Variants in HELZ2 observed in about 807,000 individuals in gnomAD.
The protein encoded by HELZ2 is helicase with zinc finger 2.
In HELZ2, 143 loss-of-function variants were observed where a neutral mutation model predicts 208.8. The ratio of observed to expected loss-of-function variants is 0.68; its 90% CI spans 0.60 to 0.79. HELZ2 has a LOEUF of 0.79. Ranked by LOEUF, HELZ2 falls within the 30% of genes least tolerant of loss-of-function variation. The pLI is 0.00. For synonymous variants in HELZ2, 1,705 were observed against 1,693.7 expected (o/e 1.01, Z -0.16); for missense variants, 3,690 against 3,794.5 (o/e 0.97, Z 0.72).
intron 5 of HELZ2, 144 bp from the exon 7 acceptor site, chr20:63,567,771 C>T (rs2082978953): frequency 6.9e-7 from 1 of 1,456,960 alleles, no homozygotes. Context: ...ACTGGTGTCC[C>T]TCCTGTCAGG....
intron 2 of HELZ2, 36 bp from the exon 4 acceptor site, chr20:63,570,647 A>ACGCCCC: frequency 6.0e-6 from 9 of 1,497,352 alleles, no homozygotes; most frequent in South Asian, 2.3e-5. Flanking sequence ...AGAGGCCTGG[A>ACGCCCC]CCCCACCCCA....
At position 63,564,515 on chromosome 20, in the gene HELZ2, G is replaced by C. The variant is rs751864726; in HGVS notation, c.4307C>G (p.Ala1436Gly). ...GCGCAGGCTCTTCAGCTGGCCACTG[G>C]CCTTCTCCATGGTGAGGAACAGGGA... Residue 1436 changes from alanine to glycine, a missense_variant, in exon 8 of 19, where the codon GCC becomes GGC. Ala to Gly is a moderately conservative substitution (Grantham distance 60, BLOSUM62 0). Transcript: ENST00000467148. The C allele has an allele frequency of 7.3e-5, 116 of 1,584,238 alleles. 3 individuals are homozygous for C. In the South Asian group the frequency reaches 1.2e-3, roughly 17 times the overall value.
At chr20:63,565,979 A>G (rs778821306) in exon 8 of HELZ2, 28 of 1,599,116 alleles carry the variant, frequency 1.8e-5, no homozygotes, top group Non-Finnish European at 2.4e-5. Context: ...GACCTGCTCC[A>G]TGGACAGGCC....
exon 18 of HELZ2, chr20:63,559,967 C>T (rs1408201017): frequency 3.7e-6 from 6 of 1,612,052 alleles, no homozygotes; most frequent in South Asian, 1.1e-5. Flanking sequence ...GTGACAGCCA[C>T]ATTCACTTGG....
At chr20:63,561,179 T>C in exon 14 of HELZ2, 1 of 1,613,112 alleles carries the variant, frequency 6.2e-7, no homozygotes, top group South Asian at 1.1e-5. Flanking sequence ...GTCCAGGATT[T>C]TGAGGCTGGC....
chr20:63,569,549 G>A, exon 4 of HELZ2: 1 of 1,604,994 alleles, frequency 6.2e-7, no homozygotes, highest in Non-Finnish European at 8.5e-7. Flanking sequence ...CAGTGGAGCT[G>A]GGCACACGGA....
exon 8 of HELZ2, chr20:63,563,205 C>T (rs746561042): frequency 6.3e-7 from 1 of 1,583,490 alleles, no homozygotes; most frequent in African/African-American, 1.3e-5. Context: ...TCCCGGGCCA[C>T]CTCCAGGAAA....
chr20:63,559,514 G>A (rs1305617977), intron 18 of HELZ2, 144 bp from the exon 20 acceptor site: 9 of 325,442 alleles, frequency 2.8e-5, no homozygotes, highest in East Asian at 5.4e-5. Flanking sequence ...AGGGTCAGAT[G>A]GGAGTCAGTC....
exon 5 of HELZ2, chr20:63,568,526 A>C (rs2082986835): frequency 6.3e-7 from 1 of 1,583,066 alleles, no homozygotes; most frequent in Non-Finnish European, 8.6e-7. Context: ...CGCCACGGCC[A>C]GCTCCTGCTT....
exon 8 of HELZ2, chr20:63,563,406 T>A (rs1348908880): frequency 6.5e-7 from 1 of 1,535,174 alleles, no homozygotes; most frequent in Non-Finnish European, 8.7e-7. Context: ...AGGGGCGGGC[T>A]GGATCCCTGC....
rs368451665 is a variant in HELZ2 at position 63,560,526 on chromosome 20, C to T, written c.7453G>A (p.Glu2485Lys). Residue 2485 changes from glutamate to lysine, a missense_variant, in exon 16 of 19, where the codon GAA (glutamate) becomes AAA (lysine). By Grantham distance (56) the Glu-to-Lys change is moderately conservative (BLOSUM62 1). Transcript: ENST00000467148. ...TTGGCCTTGGAGTTCTCATTCCCTT[C>T]GTCCGTGGACACCAGCAGGCTCCGC... 4.9e-5 allele frequency: 78 copies of T among 1,606,354 alleles called. No individual in the cohort carries two copies. The highest frequency in any genetic ancestry group is 3.2e-4 in the African/African-American group (23 of 72,576).
exon 4 of HELZ2, chr20:63,569,400 G>C (rs767279150): frequency 6.2e-7 from 1 of 1,607,790 alleles, no homozygotes; most frequent in Non-Finnish European, 8.5e-7. Context: ...ATTCCTGCAG[G>C]GTCCTGGGCG....
chr20:63,566,834 C>A lies in HELZ2; in HGVS notation c.2514+10G>T, dbSNP rs771866833. ...GCGGTCGGGGGCTGTCCCGGGCTGG[C>A]CGGGCTCACCTGGGCACCGTGGGAA... is the stretch of plus-strand genomic sequence containing the variant. On this transcript the variant is annotated intron_variant, in intron 6 of 18. Transcript: ENST00000467148. The A allele has an allele frequency of 5.7e-6, 9 of 1,583,066 alleles. No homozygotes were observed. Among genetic ancestry groups the A allele is most frequent in the African/African-American group, 2.7e-5 (2 of 74,780 alleles).
chr20:63,562,182 T>G, exon 10 of HELZ2: 3 of 1,611,720 alleles, frequency 1.9e-6, no homozygotes, highest in Non-Finnish European at 2.5e-6. Flanking sequence ...GGTCTGCCGC[T>G]CCAGGAACCT....
Position 63,561,600 on chromosome 20 carries a change from C to T in HELZ2, c.6836+1G>A. On this transcript the variant is annotated splice_donor_variant, in intron 12 of 18. Coordinates refer to ENST00000467148, the Ensembl canonical transcript of HELZ2. LOFTEE classifies it high-confidence loss of function. Reference sequence around the variant, plus strand: ...CCAAGCCCCAAAGACAGCAGGCACACCTGAGGCTCTGGTTCGGCCTCCCCT... The same window carrying T: ...CCAAGCCCCAAAGACAGCAGGCACATCTGAGGCTCTGGTTCGGCCTCCCCT... 1.2e-6 allele frequency: 2 copies of T among 1,601,674 alleles called. No homozygotes were observed. The highest frequency in any genetic ancestry group is 1.7e-6 in the Non-Finnish European group (2 of 1,173,880).
Position 63,564,448 on chromosome 20 carries a change from G to A in HELZ2, c.4374C>T (p.Tyr1458=), listed in dbSNP as rs188145018. Residue 1458 remains tyrosine (Y), a synonymous_variant, in exon 8 of 19, where the codon TAC becomes TAT. Transcript: ENST00000467148. Reference sequence around the variant, plus strand: ...GCCTGATCACCTCCTCCGCCTCCTCGTAGGACAGCTGGCGGTCAGACTGGA... The same window carrying A: ...GCCTGATCACCTCCTCCGCCTCCTCATAGGACAGCTGGCGGTCAGACTGGA... 22 of 1,566,838 alleles carry A rather than the reference G, an allele frequency of 1.4e-5. No homozygotes were observed. The East Asian group carries it at 1.4e-4, about 10-fold the overall frequency.
chr20:63,564,688 G>A lies in HELZ2; in HGVS notation c.4134C>T (p.Phe1378=), dbSNP rs116286008. The A allele has an allele frequency of 1.8e-5, 29 of 1,594,528 alleles. No individual in the cohort carries two copies. In the Admixed American group the frequency reaches 2.4e-4, roughly 13 times the overall value. ...CGTCCAGCACCCCGTCCCTGGGCAC[G>A]AAGCTGGCCACATCAGTGATGTGCA... The change falls in exon 8 of 19, where the codon TTC becomes TTT. Residue 1378 remains phenylalanine, a synonymous_variant. Transcript: ENST00000467148.
chr20:63,561,618 C>A, exon 12 of HELZ2: 1 of 1,608,152 alleles, frequency 6.2e-7, no homozygotes, highest in Non-Finnish European at 8.5e-7. Flanking sequence ...TCTGGTTCGG[C>A]CTCCCCTCCC....
intron 5 of HELZ2, 66 bp from the exon 7 acceptor site, chr20:63,567,693 T>G: frequency 6.6e-7 from 1 of 1,525,222 alleles, no homozygotes; most frequent in Non-Finnish European, 8.8e-7. Flanking sequence ...CTAAAGCACC[T>G]ACTGTGTGCC....
Sources: allele counts gnomAD v4.1 joint callset, GRCh38; gene constraint gnomAD v4.1.1; transcripts MANE v1.5; gene names NCBI Gene and HGNC (gene_info 2026-07-23, HGNC 2026-07-21).